SLC35D1: variants seen among roughly 807,000 people sequenced by gnomAD.
SLC35D1 encodes nucleotide sugar transporter SLC35D1.
In SLC35D1, 31 loss-of-function variants were observed where a neutral mutation model predicts 46.7. That is an observed-to-expected ratio of 0.66 (90% confidence interval 0.50 to 0.90). The LOEUF (loss-of-function observed/expected upper bound fraction) is 0.90, where lower values mean the gene tolerates loss of function less well. Among genes scored for constraint, SLC35D1 ranks in the 40% least tolerant of loss-of-function variants. The pLI is 0.00. For missense variants in SLC35D1, 397 were observed against 426.2 expected (o/e 0.93, Z 0.60); for synonymous variants, 195 against 164.6 (o/e 1.18, Z -1.41).
In SLC35D1 at chr1:67,002,512, C is replaced by A. The variant is rs977768786; in HGVS notation, c.*1828G>T. The A allele has an allele frequency of 3.3e-5, 5 of 152,216 alleles. No homozygotes were observed. The highest frequency in any genetic ancestry group is 4.8e-5 in the African/African-American group (2 of 41,414). The allele number at this position is 152,216 out of a possible 1,614,324, so 9.4% of individuals were successfully genotyped here. Reference sequence around the variant, plus strand: ...CATTGGTAAAATAGGGAGAGTAAGACCCATATGACACAAGATACTATCCTT... The same window carrying A: ...CATTGGTAAAATAGGGAGAGTAAGAACCATATGACACAAGATACTATCCTT... On this transcript the variant is annotated 3_prime_UTR_variant, in exon 12 of 12. Transcript: ENST00000235345.
chr1:67,008,850 T>C (rs1386233328), intron 11 of SLC35D1, among the ~76,000 whole-genome samples: 1 of 152,110 alleles, frequency 6.6e-6, no homozygotes. Context: ...TCAAGCAATC[T>C]GTCCACCTCA....
At chr1:67,045,057 C>A (rs983022703) in intron 7 of SLC35D1, among the ~76,000 whole-genome samples, 3 of 151,946 alleles carry the variant, frequency 2.0e-5, no homozygotes, top group Non-Finnish European at 2.9e-5. Context: ...ACTGGGACAA[C>A]CTTTAAGAAG....
chr1:66,978,312 TC>T, the SLC35D1 span, among the ~76,000 whole-genome samples: 1 of 152,172 alleles, frequency 6.6e-6, no homozygotes. Context: ...GCTGGTCACT[TC>T]CTTAGAAGGT....
intron 7 of SLC35D1, among the ~76,000 whole-genome samples, chr1:67,045,047 A>G (rs1433678062): frequency 6.6e-6 from 1 of 152,158 alleles, no homozygotes; most frequent in East Asian, 1.9e-4. Flanking sequence ...AAAAAGCCAT[A>G]CTGGGACAAC....
At chr1:67,005,760 G>C (rs925846373) in intron 11 of SLC35D1, among the ~76,000 whole-genome samples, 1 of 152,096 alleles carries the variant, frequency 6.6e-6, no homozygotes, top group Non-Finnish European at 1.5e-5. Flanking sequence ...TACAACCTAG[G>C]TCAGTCTTTC....
At chr1:66,982,702 CTGTG>C in the SLC35D1 span, among the ~76,000 whole-genome samples, 1 of 152,214 alleles carries the variant, frequency 6.6e-6, no homozygotes. Context: ...AAGAGAAACA[CTGTG>C]AAAGCCTTGA....
the SLC35D1 span, among the ~76,000 whole-genome samples, chr1:66,989,969 A>G: frequency 6.6e-6 from 1 of 152,218 alleles, no homozygotes; most frequent in African/African-American, 2.4e-5. Context: ...GCTGTGCTTT[A>G]GCTGAGTGAA....
the SLC35D1 span, chr1:66,985,847 C>G: frequency 8.1e-6 from 4 of 490,904 alleles, no homozygotes; most frequent in Non-Finnish European, 1.0e-5. Flanking sequence ...TAAATTTCTA[C>G]TTAAGGGCAA....
At chr1:67,037,271 T>C (rs1378248980) in intron 8 of SLC35D1, among the ~76,000 whole-genome samples, 1 of 152,122 alleles carries the variant, frequency 6.6e-6, no homozygotes, top group African/African-American at 2.4e-5. Flanking sequence ...TTGAAAACTT[T>C]TAGTTAAATA....
the SLC35D1 span, among the ~76,000 whole-genome samples, chr1:66,974,548 C>T: frequency 2.6e-5 from 4 of 151,886 alleles, no homozygotes; most frequent in Non-Finnish European, 5.9e-5. Context: ...ATGTAACAAG[C>T]AGCAGCAACA....
chr1:66,993,480 C>T, the SLC35D1 span, among the ~76,000 whole-genome samples: 2 of 152,056 alleles, frequency 1.3e-5, no homozygotes, highest in African/African-American at 2.4e-5. Context: ...CTGAATTTCC[C>T]GGTAGGTGGC....
At chr1:66,986,221 T>C in the SLC35D1 span, 1 of 1,267,614 alleles carries the variant, frequency 7.9e-7, no homozygotes, top group East Asian at 3.1e-5. Context: ...GAAAATAAGA[T>C]ACACAATAAT....
chr1:66,988,447 A>G, the SLC35D1 span: 1 of 152,294 alleles, frequency 6.6e-6, no homozygotes, highest in Non-Finnish European at 1.5e-5. Context: ...TTTCTTTTCT[A>G]ATACCAGTTT....
At chr1:67,052,208 T>C (rs761676684) in intron 3 of SLC35D1, 129 bp from the exon 4 acceptor site, 5 of 703,370 alleles carry the variant, frequency 7.1e-6, no homozygotes, top group Non-Finnish European at 1.3e-5. Flanking sequence ...TTAGTTATCA[T>C]ACACAATTTT....
intron 10 of SLC35D1, among the ~76,000 whole-genome samples, chr1:67,017,618 A>C (rs1392887973): frequency 6.6e-6 from 1 of 152,144 alleles, no homozygotes; most frequent in Non-Finnish European, 1.5e-5. Flanking sequence ...ATCCAGTAAA[A>C]TCTGTCAGAT....
Position 67,040,633 on chromosome 1 carries a change from C to T in SLC35D1, c.729+1603G>A, listed in dbSNP as rs181184807. ...AATGTACCTTTTGTTTCTCTTCCTC[C>T]GCATTCTTCAAGGCCCACTTTGACT... On this transcript the variant is annotated intron_variant, in intron 8 of 11. Transcript: ENST00000235345. 1.4e-4 allele frequency among the ~76,000 whole-genome samples: 21 copies of T among 152,220 alleles called. No individual in the cohort carries two copies. In the East Asian group the frequency reaches 2.9e-3, roughly 21 times the overall value.
chr1:67,053,888 C>T lies in SLC35D1; in HGVS notation c.126G>A (p.Lys42=), dbSNP rs1645342119. 1 of 1,613,658 alleles carries T rather than the reference C, an allele frequency of 6.2e-7. No homozygotes were observed. Among genetic ancestry groups the T allele is most frequent in the African/African-American group, 1.3e-5 (1 of 74,918 alleles). Residue 42 remains lysine, a synonymous_variant, in exon 1 of 12, where the codon AAG becomes AAA. Transcript: ENST00000235345. ...CGCCGTAAAAGCCGGCGGCCAGCAGCTTCAGAAACACGGTCAGCGTTTCGG... is the reference window on the plus strand; with the variant it reads ...CGCCGTAAAAGCCGGCGGCCAGCAGTTTCAGAAACACGGTCAGCGTTTCGG... The part of the protein sequence containing the change: ...ASAETLTVFL[K]LLAAGFYGVS...
At chr1:67,052,136 T>G in intron 3 of SLC35D1, 57 bp from the exon 4 acceptor site, 3 of 1,225,092 alleles carry the variant, frequency 2.4e-6, no homozygotes, top group Non-Finnish European at 3.6e-6. Context: ...TAAAACAAGG[T>G]CCTTTCAAAC....
At chr1:66,974,728 C>T in the SLC35D1 span, among the ~76,000 whole-genome samples, 1 of 152,046 alleles carries the variant, frequency 6.6e-6, no homozygotes, top group Non-Finnish European at 1.5e-5. Flanking sequence ...ACATAATACA[C>T]TAAATTACTC....
Sources: gnomAD v4.1 joint callset for allele counts (sites outside exome capture counted in the v4.1 genomes callset) on GRCh38, gnomAD v4.1.1 for gene constraint, MANE v1.5 for transcripts, NCBI Gene and HGNC (gene_info 2026-07-23, HGNC 2026-07-21) for gene names.